ASAP2: variants seen among roughly 807,000 people sequenced by gnomAD.
ASAP2 encodes arf-GAP with SH3 domain, ANK repeat and PH domain-containing protein 2.
In ASAP2, 45 loss-of-function variants were observed where a neutral mutation model predicts 131.4. The observed-to-expected ratio is 0.34, with a 90% confidence interval of 0.27 to 0.44. ASAP2 has a LOEUF of 0.44. ASAP2 is among the 20% of genes least tolerant of loss of function. The probability of loss-of-function intolerance (pLI) is 1.00; values close to 1 mark genes in which losing one functional copy is unlikely to be tolerated. For missense variants in ASAP2, 1,011 were observed against 1,297.0 expected (o/e 0.78, Z 3.39); for synonymous variants, 510 against 503.0 (o/e 1.01, Z -0.19).
intron 18 of ASAP2, 51 bp from the exon 19 acceptor site, chr2:9,378,893 C>A: frequency 1.5e-6 from 2 of 1,299,816 alleles, no homozygotes; most frequent in South Asian, 4.9e-5. Flanking sequence ...AGTCCCTGGT[C>A]GTCCAGCCTG....
At chr2:9,391,597 A>T (rs944169201) in intron 23 of ASAP2, among the ~76,000 whole-genome samples, 2 of 134,342 alleles carry the variant, frequency 1.5e-5, no homozygotes. Flanking sequence ...TTTTTTTGAG[A>T]CAGAGTCTCA....
At position 9,371,331 on chromosome 2, in the gene ASAP2, T is replaced by C. The variant is rs1673940359; in HGVS notation, c.1556+2812T>C. On this transcript the variant is annotated intron_variant, in intron 16 of 27. Coordinates refer to ENST00000281419, the MANE Select transcript of ASAP2 (RefSeq NM_003887.3). ...AAACATTTCATCCCACTTCATAGTA[T>C]ACTCAGGCATTTACATATATTTTTC... Among the ~76,000 whole-genome samples, 5 of 152,240 alleles carry C rather than the reference T, an allele frequency of 3.3e-5. No individual in the cohort carries two copies. The South Asian group carries it at 1.0e-3, about 32-fold the overall frequency.
At chr2:9,344,893 C>A in intron 11 of ASAP2, 93 bp downstream of exon 11, 1 of 1,078,214 alleles carries the variant, frequency 9.3e-7, no homozygotes, top group Non-Finnish European at 1.4e-6. Context: ...AGTTGTTCTC[C>A]GTGTGTGATG....
chr2:9,237,318 G>A (rs1297854332), intron 1 of ASAP2, among the ~76,000 whole-genome samples: 1 of 151,964 alleles, frequency 6.6e-6, no homozygotes, highest in African/African-American at 2.4e-5. Flanking sequence ...TTTACATTGT[G>A]ACTTTTAGAT....
chr2:9,388,238 C>A, intron 21 of ASAP2, 56 bp from the exon 22 acceptor site: 1 of 1,601,500 alleles, frequency 6.2e-7, no homozygotes, highest in South Asian at 1.1e-5. Flanking sequence ...TGAATGTTAT[C>A]ACCAGGAGCA....
At chr2:9,240,766 A>T (rs887231867) in intron 1 of ASAP2, among the ~76,000 whole-genome samples, 2 of 152,196 alleles carry the variant, frequency 1.3e-5, no homozygotes, top group East Asian at 1.9e-4. Context: ...TACTTAAAGG[A>T]AGTGCTGTAT....
rs1211750452 is a variant in ASAP2, at chr2:9,270,854, G to A, written c.127-8463G>A. ...GTCGCCCAGGCTGGAGTGCAGTGGC[G>A]CGATCTCGGCTCACTGCAAGCCCCG... On this transcript the variant is annotated intron_variant, in intron 1 of 27. Coordinates refer to ENST00000281419, the MANE Select transcript of ASAP2 (RefSeq NM_003887.3). 9.5e-5 allele frequency among the ~76,000 whole-genome samples: 13 copies of A among 136,628 alleles called. No individual in the cohort carries two copies. The South Asian group carries it at 1.2e-3, about 13-fold the overall frequency. 89.6% of individuals were successfully genotyped at this position (136,628 alleles called of 152,430 possible).
chr2:9,274,766 T>C (rs1666638759), intron 1 of ASAP2, among the ~76,000 whole-genome samples: 1 of 152,194 alleles, frequency 6.6e-6, no homozygotes, highest in Non-Finnish European at 1.5e-5. Flanking sequence ...TAATTAAAAA[T>C]TACCTCTTCC....
At chr2:9,325,422 C>T (rs1670417635) in intron 6 of ASAP2, among the ~76,000 whole-genome samples, 1 of 152,136 alleles carries the variant, frequency 6.6e-6, no homozygotes, top group South Asian at 2.1e-4. Flanking sequence ...ATTTTACAAA[C>T]AATCAGGGTG....
At chr2:9,267,897 CAAAAAAAAAAAAAA>C (rs34716225) in intron 1 of ASAP2, among the ~76,000 whole-genome samples, 23 of 65,022 alleles carry the variant, frequency 3.5e-4, no homozygotes, top group South Asian at 5.9e-4. Context: ...GACTCTATCT[CAAAAAAAAAAAAAA>C]AAAAAAAAAA....
At chr2:9,401,932 T>TCA (rs376547614) in intron 27 of ASAP2, among the ~76,000 whole-genome samples, 10 of 151,846 alleles carry the variant, frequency 6.6e-5, no homozygotes, top group Non-Finnish European at 1.2e-4. Context: ...GACAGGGAGG[T>TCA]CACACACACA....
At chr2:9,400,285 CTT>C (rs1491522087) in intron 25 of ASAP2, among the ~76,000 whole-genome samples, 4 of 102,664 alleles carry the variant, frequency 3.9e-5, no homozygotes, top group Admixed American at 1.8e-4. Context: ...TCCTTCCCTC[CTT>C]CCTTCCTTCC....
At chr2:9,305,217 T>C (rs1487821002) in intron 3 of ASAP2, among the ~76,000 whole-genome samples, 2 of 151,146 alleles carry the variant, frequency 1.3e-5, no homozygotes, top group South Asian at 2.1e-4. Flanking sequence ...GGTATAGATA[T>C]TGGTTGACAG....
intron 3 of ASAP2, among the ~76,000 whole-genome samples, chr2:9,308,343 G>C (rs1669083778): frequency 6.6e-6 from 1 of 152,166 alleles, no homozygotes; most frequent in Admixed American, 6.5e-5. Context: ...AAACTCACTT[G>C]CTACACAGTA....
chr2:9,210,293 A>G (rs772619761), intron 1 of ASAP2, among the ~76,000 whole-genome samples: 19 of 152,238 alleles, frequency 1.2e-4, no homozygotes, highest in Non-Finnish European at 2.8e-4. Context: ...TGAGATGCCT[A>G]ACATTTTCTT....
chr2:9,393,924 G>T lies in ASAP2; in HGVS notation c.2684+277G>T, dbSNP rs182197820. The stretch of plus-strand genomic sequence containing the variant: ...GGTTCTATTTGCTGCTCACCCCCCA[G>T]GTGGTCTCTGTTTCTGTTTTCTATT... On this transcript the variant is annotated intron_variant, in intron 24 of 27. Transcript: ENST00000281419. Among the ~76,000 whole-genome samples, 13 of 152,314 alleles carry T rather than the reference G, an allele frequency of 8.5e-5. No homozygotes were observed. The East Asian group carries it at 1.7e-3, about 20-fold the overall frequency.
At chr2:9,398,802 C>A (rs566302505) in intron 24 of ASAP2, 57 of 145,082 alleles carry the variant, frequency 3.9e-4, no homozygotes, top group African/African-American at 1.5e-3. Context: ...GTGCAAGACT[C>A]CATCTCAAAA....
At chr2:9,250,892 C>G (rs1156665192) in intron 1 of ASAP2, among the ~76,000 whole-genome samples, 2 of 152,232 alleles carry the variant, frequency 1.3e-5, no homozygotes, top group Admixed American at 1.3e-4. Flanking sequence ...ATAGACAAGA[C>G]TCGGGGCTTG....
At chr2:9,377,771 A>G (rs1238587188) in intron 18 of ASAP2, among the ~76,000 whole-genome samples, 1 of 152,108 alleles carries the variant, frequency 6.6e-6, no homozygotes, top group Non-Finnish European at 1.5e-5. Context: ...TTTTCCTCCC[A>G]TTTCTGAGCA....
Sources: gnomAD v4.1 joint callset for allele counts (sites outside exome capture counted in the v4.1 genomes callset) on GRCh38, gnomAD v4.1.1 for gene constraint, MANE v1.5 for transcripts, NCBI Gene and HGNC (gene_info 2026-07-23, HGNC 2026-07-21) for gene names.